IGF2R: variants seen among roughly 807,000 people sequenced by gnomAD.
The protein encoded by IGF2R is insulin like growth factor 2 receptor, also known as cation-independent mannose-6-phosphate receptor.
Under a neutral mutation model 270.6 loss-of-function variants are expected in IGF2R, and 91 were observed. The observed-to-expected ratio is 0.34, with a 90% confidence interval of 0.28 to 0.40. IGF2R has a LOEUF of 0.40. Among genes scored for constraint, IGF2R ranks in the 10% least tolerant of loss-of-function variants. IGF2R has a pLI of 1.00. For missense variants in IGF2R, 2,805 were observed against 3,188.3 expected, an observed-to-expected ratio of 0.88 and a Z score of 2.90; for synonymous variants, 1,316 against 1,258.9, an observed-to-expected ratio of 1.05 and a Z score of -0.96.
chr6:160,007,764 C>G (rs1420008031), intron 2 of IGF2R: 1 of 152,176 alleles, frequency 6.6e-6, no homozygotes, highest in Non-Finnish European at 1.5e-5. Context: ...ATTCTTGATG[C>G]TGGTTCTTTG....
rs1302180736 is a variant in IGF2R at position 160,102,749 on chromosome 6, TTTTA to T, written c.6995+86_6995+89del. The T allele has an allele frequency of 1.0e-5, 15 of 1,451,042 alleles. No individual in the cohort carries two copies. The highest frequency in any genetic ancestry group is 1.4e-5 in the Non-Finnish European group (15 of 1,077,436). The allele number at this position is 1,451,042 out of a possible 1,614,324, so 89.9% of individuals were successfully genotyped here. A position where few individuals can be genotyped will look rare whatever the true frequency, so the allele number is the denominator to read the frequency against. ...TAATCTTGGGGTCAGTTTTGTGGGGTTTTATTTATTTGTTTTTAAGCCCTACAGC... is the reference window on the plus strand; with the variant it reads ...TAATCTTGGGGTCAGTTTTGTGGGGTTTTATTTGTTTTTAAGCCCTACAGC... On this transcript the variant is annotated intron_variant, in intron 46 of 47. Coordinates refer to ENST00000356956, the MANE Select transcript of IGF2R (RefSeq NM_000876.4). This position sits in a 1 kb window ranked among gnomAD's most constrained non-coding sequence, Gnocchi z 4.5.
intron 39 of IGF2R, among the ~76,000 whole-genome samples, chr6:160,082,314 T>G (rs1488988504): frequency 6.7e-6 from 1 of 149,540 alleles, no homozygotes; most frequent in East Asian, 1.9e-4. Context: ...TATCTTAAAT[T>G]TTTTTTTTTT....
At chr6:160,049,914 A>T (rs1007380328) in intron 18 of IGF2R, among the ~76,000 whole-genome samples, 4 of 152,188 alleles carry the variant, frequency 2.6e-5, no homozygotes, top group African/African-American at 9.7e-5. Context: ...AGGAGATGAG[A>T]AGAAACCTCA....
intron 35 of IGF2R, 119 bp from the exon 36 acceptor site, chr6:160,075,728 C>T: frequency 4.1e-6 from 4 of 968,076 alleles, no homozygotes; most frequent in Non-Finnish European, 6.2e-6. Context: ...TCTTTAGATG[C>T]TGCTCATTCT....
chr6:159,989,060 C>T (rs1783935767), intron 1 of IGF2R, among the ~76,000 whole-genome samples: 1 of 152,108 alleles, frequency 6.6e-6, no homozygotes, highest in Non-Finnish European at 1.5e-5. Context: ...GAGTCATACC[C>T]CGAGGGTATC....
chr6:159,998,519 CG>C lies in IGF2R; in HGVS notation c.289+7197del, dbSNP rs1195500643. 6.6e-6 allele frequency among the ~76,000 whole-genome samples: 1 copy of C among 152,060 alleles called. No individual in the cohort carries two copies. Among genetic ancestry groups the C allele is most frequent in the East Asian group, 1.9e-4 (1 of 5,192 alleles). ...GAAGGTGTTTTTAGGAAGCTGGCCCCGTGGAATAGGAAACGATGCCTACAGG... is the reference window on the plus strand; with the variant it reads ...GAAGGTGTTTTTAGGAAGCTGGCCCCTGGAATAGGAAACGATGCCTACAGG... On this transcript the variant is annotated intron_variant, in intron 2 of 47. Coordinates refer to ENST00000356956, the MANE Select transcript of IGF2R (RefSeq NM_000876.4). The surrounding 1 kb of genome is among the most constrained non-coding windows in gnomAD (Gnocchi z 4.1).
At chr6:160,023,686 C>T (rs1031146281) in intron 4 of IGF2R, among the ~76,000 whole-genome samples, 7 of 152,196 alleles carry the variant, frequency 4.6e-5, no homozygotes, top group Admixed American at 3.9e-4. Flanking sequence ...TGTTCTGCTT[C>T]GAGTCTGTGC....
chr6:159,991,509 T>C (rs1783979367), intron 2 of IGF2R, among the ~76,000 whole-genome samples, 186 bp downstream of exon 2: 1 of 152,266 alleles, frequency 6.6e-6, no homozygotes, highest in African/African-American at 2.4e-5. Context: ...ATGTCTAGTA[T>C]GAGCTAAAAC....
chr6:160,060,717 G>C lies in IGF2R; in HGVS notation c.3262G>C (p.Asp1088His). ...VPSPVDCQVTDLAGNEYDLTG... is the reference protein window; with the variant it reads ...VPSPVDCQVTHLAGNEYDLTG... ...TTCTCCAGTGGACTGCCAAGTCACCGGTAAGGCCGTGCGGCCTAAGAACTG... is the reference window on the plus strand; with the variant it reads ...TTCTCCAGTGGACTGCCAAGTCACCCGTAAGGCCGTGCGGCCTAAGAACTG... Residue 1088 changes from aspartate (D) to histidine (H), a missense_variant and splice_region_variant, in exon 23 of 48, where the codon GAC becomes CAC. Physicochemically the swap from Asp to His is moderately conservative, Grantham distance 81. Transcript: ENST00000356956. 6.2e-7 allele frequency: 1 copy of C among 1,614,212 alleles called. No individual in the cohort carries two copies. The highest frequency in any genetic ancestry group is 1.3e-5 in the African/African-American group (1 of 75,058).
chr6:160,080,621 A>G (rs2115282938), intron 39 of IGF2R, among the ~76,000 whole-genome samples: 1 of 152,146 alleles, frequency 6.6e-6, no homozygotes, highest in South Asian at 2.1e-4. Flanking sequence ...GGTCTTCAGG[A>G]TTCTGAAGCT....
rs1242305932 is a variant in IGF2R, at chr6:160,061,615, C to T, written c.3375C>T (p.Cys1125=). The change falls in exon 24 of 48, where the codon TGC becomes TGT. Residue 1125 remains cysteine, a synonymous_variant. Coordinates refer to ENST00000356956, the MANE Select transcript of IGF2R (RefSeq NM_000876.4). ...GRKRTFYLSV[C]NPLPYIPGCQ... ...AGAGGACTTTCTATTTGAGCGTTTG[C>T]AATCCTCTCCCTTACATTCCTGGAT... 1.9e-6 allele frequency: 3 copies of T among 1,614,168 alleles called. No homozygotes were observed. In the Admixed American group the frequency reaches 5.0e-5, roughly 27 times the overall value.
intron 1 of IGF2R, among the ~76,000 whole-genome samples, chr6:159,989,988 T>G (rs1377704300): frequency 6.6e-6 from 1 of 152,194 alleles, no homozygotes; most frequent in Non-Finnish European, 1.5e-5. Flanking sequence ...TAATGCTTGG[T>G]GTAGTGAATT....
At chr6:160,060,497 G>A (rs9457818) in intron 22 of IGF2R, 50 bp from the exon 23 acceptor site, 27 of 1,584,070 alleles carry the variant, frequency 1.7e-5, no homozygotes, top group African/African-American at 5.4e-5. Context: ...TGTGGGCTGC[G>A]CCATGAATAC....
At chr6:160,043,769 T>C (rs982022372) in intron 12 of IGF2R, among the ~76,000 whole-genome samples, 6 of 152,252 alleles carry the variant, frequency 3.9e-5, no homozygotes, top group African/African-American at 1.4e-4. Context: ...GACTTCTCAA[T>C]TATTTGATAC....
intron 1 of IGF2R, among the ~76,000 whole-genome samples, chr6:159,977,792 C>T (rs1464918680): frequency 6.6e-6 from 1 of 152,104 alleles, no homozygotes; most frequent in African/African-American, 2.4e-5. Context: ...TGTGTCCAGT[C>T]AGGATGCTAA....
chr6:160,098,053 T>C (rs1562378646), intron 45 of IGF2R, among the ~76,000 whole-genome samples: 1 of 152,198 alleles, frequency 6.6e-6, no homozygotes, highest in Non-Finnish European at 1.5e-5. Context: ...TGTGAATTTT[T>C]ATAAAAGATA....
At chr6:160,079,552 C>G in intron 37 of IGF2R, 28 bp from the exon 38 acceptor site, 1 of 1,393,120 alleles carries the variant, frequency 7.2e-7, no homozygotes, top group Non-Finnish European at 9.4e-7. Context: ...TGCCACTCTG[C>G]TGACGGCCAC....
intron 45 of IGF2R, among the ~76,000 whole-genome samples, chr6:160,099,737 G>A (rs768393624): frequency 9.2e-5 from 14 of 152,300 alleles, no homozygotes; most frequent in Admixed American, 7.2e-4. Context: ...GTCGCTTCAC[G>A]GAAGGTTGCA....
chr6:160,027,126 G>A (rs1777577867), intron 5 of IGF2R, 59 bp from the exon 6 acceptor site: 1 of 1,583,496 alleles, frequency 6.3e-7, no homozygotes, highest in Non-Finnish European at 8.7e-7. Context: ...GGGTCTAAGG[G>A]TACGTGTGAT....
Sources: gnomAD v4.1 joint callset for allele counts (sites outside exome capture counted in the v4.1 genomes callset) on GRCh38, gnomAD v4.1.1 for gene constraint, Gnocchi (gnomAD v3.1) non-coding constraint, MANE v1.5 for transcripts, NCBI Gene and HGNC (gene_info 2026-07-23, HGNC 2026-07-21) for gene names.